Variants in MCF2L observed in about 807,000 individuals in gnomAD.
MCF2L encodes guanine nucleotide exchange factor DBS.
In MCF2L, 97 loss-of-function variants were observed where a neutral mutation model predicts 153.4. The ratio of observed to expected loss-of-function variants is 0.63; its 90% CI spans 0.54 to 0.75. The LOEUF is 0.75. Ranked by LOEUF, MCF2L falls within the 30% of genes least tolerant of loss-of-function variation. The probability of loss-of-function intolerance (pLI) is 0.00; values close to 1 mark genes in which losing one functional copy is unlikely to be tolerated. For synonymous variants in MCF2L, 659 were observed against 632.2 expected, an observed-to-expected ratio of 1.04 and a Z score of -0.64; for missense variants, 1,347 against 1,495.2, an observed-to-expected ratio of 0.90 and a Z score of 1.64.
At chr13:112,976,539 C>T (rs2082220242) in intron 1 of MCF2L, among the ~76,000 whole-genome samples, 1 of 152,206 alleles carries the variant, frequency 6.6e-6, no homozygotes, top group Non-Finnish European at 1.5e-5. Context: ...TCAGGTCGCT[C>T]ATGGGGCGGC....
chr13:113,049,254 C>T (rs1236716448), intron 4 of MCF2L, among the ~76,000 whole-genome samples: 5 of 151,428 alleles, frequency 3.3e-5, no homozygotes, highest in African/African-American at 1.2e-4. Flanking sequence ...CTTAGAGGGT[C>T]ACTGGTCAAG....
At chr13:112,997,381 G>C (rs1024174917) in intron 1 of MCF2L, among the ~76,000 whole-genome samples, 8 of 152,204 alleles carry the variant, frequency 5.3e-5, no homozygotes, top group African/African-American at 1.9e-4. Flanking sequence ...TACACAGGCA[G>C]CTCCTGCAGA....
intron 21 of MCF2L, among the ~76,000 whole-genome samples, chr13:113,086,627 C>G (rs1176884055): frequency 6.6e-6 from 1 of 152,180 alleles, no homozygotes; most frequent in Non-Finnish European, 1.5e-5. Context: ...AGGCTGGTGA[C>G]TTAGAGCAAG....
At chr13:113,050,856 GGGA>G (rs1566803863) in intron 4 of MCF2L, among the ~76,000 whole-genome samples, 1 of 151,844 alleles carries the variant, frequency 6.6e-6, no homozygotes, top group East Asian at 1.9e-4. Flanking sequence ...AGAGCCTGAC[GGGA>G]GGAGGAGTTG....
chr13:112,895,547 T>C (rs190292564), intron 1 of MCF2L, among the ~76,000 whole-genome samples: 248 of 152,124 alleles, frequency 1.6e-3, no homozygotes, highest in Non-Finnish European at 3.0e-3. Flanking sequence ...ACATGCGAAC[T>C]GTGGAGCGAG....
chr13:113,062,676 C>T (rs1203774165), intron 5 of MCF2L, among the ~76,000 whole-genome samples: 3 of 152,090 alleles, frequency 2.0e-5, no homozygotes, highest in South Asian at 2.1e-4. Context: ...GTTGTTGACA[C>T]GTGTGTGTCC....
Position 112,975,552 on chromosome 13 carries a change from G to A in MCF2L, c.79+6094G>A, listed in dbSNP as rs532510060. Among the ~76,000 whole-genome samples, 5 of 152,340 alleles carry A rather than the reference G, an allele frequency of 3.3e-5. No individual in the cohort carries two copies. The South Asian group carries it at 6.2e-4, about 19-fold the overall frequency. On this transcript the variant is annotated intron_variant, in intron 1 of 29. Transcript: ENST00000535094. ...CACCCAGCAGGCAGGAAGCTGTGGG[G>A]ACCCGTTTGCTGTTAGGGTCACTTG... is the stretch of plus-strand genomic sequence containing the variant.
In MCF2L at chr13:113,087,467, C is replaced by G; in HGVS notation, c.2595+11C>G. On this transcript the variant is annotated intron_variant, in intron 22 of 29. Transcript: ENST00000535094. ...AAGCAGTCCTTAAACGTAAGTGAGG[C>G]CGGGTCTGCAGCAGCACGCTCCTGG... 1 of 1,586,966 alleles carries G rather than the reference C, an allele frequency of 6.3e-7. No individual in the cohort carries two copies. The highest frequency in any genetic ancestry group is 8.6e-7 in the Non-Finnish European group (1 of 1,162,426).
chr13:113,025,012 G>A, intron 3 of MCF2L: 1 of 293,686 alleles, frequency 3.4e-6, no homozygotes, highest in Non-Finnish European at 6.1e-6. Context: ...CTGTGGGTTG[G>A]GGCAGAATCT....
intron 2 of MCF2L, among the ~76,000 whole-genome samples, chr13:113,021,178 G>A (rs77299436): frequency 0.12 from 18,870 of 152,156 alleles, 1,544 homozygotes; most frequent in East Asian, 0.19. Context: ...AGCTGTATGT[G>A]CAGCTATGTA....
chr13:112,917,124 A>G (rs1488384888), intron 2 of MCF2L: 6 of 470,904 alleles, frequency 1.3e-5, no homozygotes, highest in East Asian at 7.0e-5. Flanking sequence ...CCCCTCGGCG[A>G]TCTCAGTCCC....
At chr13:113,041,273 C>T (rs531294174) in intron 3 of MCF2L, among the ~76,000 whole-genome samples, 2 of 152,354 alleles carry the variant, frequency 1.3e-5, no homozygotes, top group East Asian at 3.9e-4. Flanking sequence ...CCCTCAGACA[C>T]AGGCCACAGA....
rs936693535 is a variant in MCF2L at position 112,980,159 on chromosome 13, G to C, written c.79+10701G>C. ...GTGTTTTGGGTGGGATGAGGGTGCA[G>C]AGCTGTCACAGGCGTGGCCCAGGCC... On this transcript the variant is annotated intron_variant, in intron 1 of 29. Coordinates refer to ENST00000535094, the MANE Select transcript of MCF2L (RefSeq NM_001112732.3). Among the ~76,000 whole-genome samples the C allele has an allele frequency of 8.5e-5, 13 of 152,362 alleles. No individual in the cohort carries two copies. The South Asian group carries it at 1.5e-3, about 17-fold the overall frequency.
chr13:112,957,356 G>A (rs2081770699), intron 2 of MCF2L: 1 of 152,374 alleles, frequency 6.6e-6, no homozygotes, highest in Admixed American at 6.5e-5. Flanking sequence ...GCAGCAGTCA[G>A]CTGTGATGTC....
In MCF2L at chr13:112,984,240, CT is replaced by C. The variant is rs979590878; in HGVS notation, c.79+14795del. Reference sequence around the variant, plus strand: ...TTTTACTTAGAATTTAGAAATTCTCCTTTTTTTTTTTTTGAGATGGAGTCTC... The same window carrying C: ...TTTTACTTAGAATTTAGAAATTCTCCTTTTTTTTTTTTGAGATGGAGTCTC... On this transcript the variant is annotated intron_variant, in intron 1 of 29. Coordinates refer to ENST00000535094, the MANE Select transcript of MCF2L (RefSeq NM_001112732.3). Among the ~76,000 whole-genome samples, 880 of 146,648 alleles carry C rather than the reference CT, an allele frequency of 6.0e-3. 7 individuals are homozygous for C. Among genetic ancestry groups the C allele is most frequent in the African/African-American group, 0.016 (638 of 40,126 alleles).
At position 112,951,204 on chromosome 13, in the gene MCF2L, G is replaced by A. The variant is rs902571231; in HGVS notation, c.169+48833G>A. ...TAAGATAAAAGATAGTGCCAACTTC[G>A]AATGCTGGCAGGGATGTGGATAAAC... is the stretch of plus-strand genomic sequence containing the variant. On this transcript the variant is annotated intron_variant, in intron 2 of 29. Coordinates refer to the MCF2L transcript ENST00000375608. This position sits in a 1 kb window ranked among gnomAD's most constrained non-coding sequence, Gnocchi z 4.8. Among the ~76,000 whole-genome samples, 5 of 152,200 alleles carry A rather than the reference G, an allele frequency of 3.3e-5. No homozygotes were observed. Among genetic ancestry groups the A allele is most frequent in the African/African-American group, 7.2e-5 (3 of 41,446 alleles).
At chr13:113,025,212 CCG>C (rs2085168101) in intron 3 of MCF2L, among the ~76,000 whole-genome samples, 2 of 115,288 alleles carry the variant, frequency 1.7e-5, no homozygotes, top group Non-Finnish European at 3.7e-5. Flanking sequence ...TGTGGGGTCC[CCG>C]TGACTGTGGG....
intron 26 of MCF2L, among the ~76,000 whole-genome samples, chr13:113,091,437 C>G (rs765732831): frequency 6.6e-6 from 1 of 152,238 alleles, no homozygotes; most frequent in Non-Finnish European, 1.5e-5. Flanking sequence ...CTGCCCACCC[C>G]GTCGGTGGCT....
In MCF2L at chr13:112,943,811, C is replaced by A. The variant is rs902954235; in HGVS notation, c.169+41440C>A. On this transcript the variant is annotated intron_variant, in intron 2 of 29. Coordinates refer to the MCF2L transcript ENST00000375608. The surrounding 1 kb of genome is among the most constrained non-coding windows in gnomAD (Gnocchi z 4.2). ...ACAGACTTCAGGCGGACCGGAAGGA[C>A]CTGGCGGGAGGCGTAGTAGGCGGGG... is the stretch of plus-strand genomic sequence containing the variant. 6.6e-6 allele frequency among the ~76,000 whole-genome samples: 1 copy of A among 151,942 alleles called. No individual in the cohort carries two copies. Among genetic ancestry groups the A allele is most frequent in the Non-Finnish European group, 1.5e-5 (1 of 67,966 alleles).
Sources: gnomAD v4.1 joint callset for allele counts (sites outside exome capture counted in the v4.1 genomes callset) on GRCh38, gnomAD v4.1.1 for gene constraint, Gnocchi (gnomAD v3.1) non-coding constraint, MANE v1.5 for transcripts, NCBI Gene and HGNC (gene_info 2026-07-23, HGNC 2026-07-21) for gene names.